EPX: variants seen among roughly 807,000 people sequenced by gnomAD.
The protein encoded by EPX is eosinophil peroxidase.
A neutral mutation model predicts 73.0 loss-of-function variants in EPX; 60 were observed. The ratio of observed to expected loss-of-function variants is 0.82; its 90% CI spans 0.67 to 1.02. EPX has a LOEUF of 1.02. EPX is among the 50% of genes least tolerant of loss of function. The pLI is 0.00. For synonymous variants in EPX, 347 were observed against 389.2 expected (o/e 0.89, Z 1.28); for missense variants, 950 against 973.9 (o/e 0.98, Z 0.33).
chr17:58,195,573 A>G (rs903222229), intron 6 of EPX, among the ~76,000 whole-genome samples: 1 of 152,166 alleles, frequency 6.6e-6, no homozygotes, highest in African/African-American at 2.4e-5. Flanking sequence ...GGCTGTAAGT[A>G]GGGTCCTAAC....
At position 58,193,094 on chromosome 17, in the gene EPX, T is replaced by C; in HGVS notation, c.133T>C (p.Leu45=). 2 of 1,613,454 alleles carry C rather than the reference T, an allele frequency of 1.2e-6. No individual in the cohort carries two copies. Among genetic ancestry groups the C allele is most frequent in the Non-Finnish European group, 1.7e-6 (2 of 1,179,344 alleles). ...VLRDCIAEAK[L]LVDAAYNWTQ... Reference sequence around the variant, plus strand: ...GCGAGACTGCATAGCAGAGGCCAAGTTGCTGGTGGATGCTGCCTACAATTG... The same window carrying C: ...GCGAGACTGCATAGCAGAGGCCAAGCTGCTGGTGGATGCTGCCTACAATTG... The change falls in exon 2 of 13, where the codon TTG becomes CTG. Residue 45 remains leucine, a synonymous_variant. Transcript: ENST00000225371.
rs747092340 is a variant in EPX at position 58,195,112 on chromosome 17, C to G, written c.743C>G (p.Thr248Ser). 2 of 1,614,188 alleles carry G rather than the reference C, an allele frequency of 1.2e-6. No homozygotes were observed. Among genetic ancestry groups the G allele is most frequent in the Non-Finnish European group, 1.7e-6 (2 of 1,179,996 alleles). Reference protein sequence around the residue: ...SPESPARVAFTAGVDCERTCA... With the variant: ...SPESPARVAFSAGVDCERTCA... ...GAGTCCCCGGCCAGAGTGGCCTTCA[C>G]TGCAGGCGTTGACTGTGAGAGGACC... Residue 248 changes from threonine (T) to serine (S), a missense_variant, in exon 6 of 13, where the codon ACT becomes AGT. Physicochemically the swap from Thr to Ser is moderately conservative, Grantham distance 58. Coordinates refer to ENST00000225371, the MANE Select transcript of EPX (RefSeq NM_000502.6).
intron 6 of EPX, 128 bp downstream of exon 6, chr17:58,195,298 CAG>C: frequency 3.8e-6 from 3 of 789,190 alleles, no homozygotes; most frequent in Non-Finnish European, 6.6e-6. Flanking sequence ...GGGTATGAGA[CAG>C]AGACACAAGA....
At chr17:58,204,194 T>TC in intron 11 of EPX, 28 bp from the exon 12 acceptor site, 1 of 1,564,636 alleles carries the variant, frequency 6.4e-7, no homozygotes. Flanking sequence ...TCCCCAGCCT[T>TC]CACCCACATC....
At chr17:58,200,444 C>T (rs755986761) in intron 10 of EPX, 49 bp downstream of exon 10, 1 of 1,584,596 alleles carries the variant, frequency 6.3e-7, no homozygotes, top group Admixed American at 1.7e-5. Flanking sequence ...GGCCAGGCTG[C>T]TCAAGGGGTT....
Position 58,199,159 on chromosome 17 carries a change from C to A in EPX, c.1240C>A (p.Leu414Met), listed in dbSNP as rs1385109299. 6.2e-7 allele frequency: 1 copy of A among 1,614,130 alleles called. No homozygotes were observed. The highest frequency in any genetic ancestry group is 8.5e-7 in the Non-Finnish European group (1 of 1,180,012). Residue 414 changes from leucine (L) to methionine (M), a missense_variant, in exon 8 of 13, where the codon CTG becomes ATG. Leu to Met is a conservative substitution (Grantham distance 15). Transcript: ENST00000225371. Reference protein sequence around the residue: ...RLNPRWNGDKLYNEARKIMGA... With the variant: ...RLNPRWNGDKMYNEARKIMGA... Reference sequence around the variant, plus strand: ...GAATCCCCGGTGGAATGGAGACAAACTGTACAATGAGGCTCGGAAGATCAT... The same window carrying A: ...GAATCCCCGGTGGAATGGAGACAAAATGTACAATGAGGCTCGGAAGATCAT...
In EPX at chr17:58,193,959, G is replaced by A. The variant is rs1283815647; in HGVS notation, c.465-4G>A. ...CTGCTAACCTATCCCACCCATGGCT[G>A]CAGGAGGAGACCCTTGCTAGGGGCC... On this transcript the variant is annotated splice_polypyrimidine_tract_variant and splice_region_variant and intron_variant, in intron 4 of 12. Coordinates refer to ENST00000225371, the MANE Select transcript of EPX (RefSeq NM_000502.6). The A allele has an allele frequency of 1.9e-6, 3 of 1,612,838 alleles. No individual in the cohort carries two copies. Among genetic ancestry groups the A allele is most frequent in the Non-Finnish European group, 2.5e-6 (3 of 1,180,004 alleles).
In EPX at chr17:58,203,245, C is replaced by A; in HGVS notation, c.1873C>A (p.Pro625Thr). 6.2e-7 allele frequency: 1 copy of A among 1,614,146 alleles called. No individual in the cohort carries two copies. Among genetic ancestry groups the A allele is most frequent in the Non-Finnish European group, 8.5e-7 (1 of 1,180,006 alleles). ...TGGGGCCATCGCTGAGCCTCTTTTG[C>A]CGGGGGCTCGAGTGGGGCCTCTTCT... is the stretch of plus-strand genomic sequence containing the variant. ...WIGAIAEPLL[P>T]GARVGPLLAC... The change falls in exon 11 of 13, where the codon CCG becomes ACG. Residue 625 changes from proline to threonine, a missense_variant. Coordinates refer to ENST00000225371, the MANE Select transcript of EPX (RefSeq NM_000502.6).
At chr17:58,200,446 C>A in intron 10 of EPX, 51 bp downstream of exon 10, 3 of 1,582,196 alleles carry the variant, frequency 1.9e-6, no homozygotes, top group South Asian at 2.2e-5. Context: ...CCAGGCTGCT[C>A]AAGGGGTTCT....
chr17:58,197,039 A>G lies in EPX; in HGVS notation c.902A>G (p.Gln301Arg). The stretch of plus-strand genomic sequence containing the variant: ...CAAAACAAGAACAGAGTCCGCAACC[A>G]GATCAACGCGCTCACCTCCTTTGTG... ...CPQNKNRVRN[Q>R]INALTSFVDA... The change falls in exon 7 of 13, where the codon CAG (glutamine) becomes CGG (arginine). Residue 301 changes from glutamine to arginine, a missense_variant. Transcript: ENST00000225371. 4 of 1,614,196 alleles carry G rather than the reference A, an allele frequency of 2.5e-6. No homozygotes were observed. In the South Asian group the frequency reaches 3.3e-5, roughly 13 times the overall value.
At position 58,196,946 on chromosome 17, in the gene EPX, C is replaced by A; in HGVS notation, c.809C>A (p.Pro270His). The A allele has an allele frequency of 6.2e-7, 1 of 1,613,480 alleles. No individual in the cohort carries two copies. The highest frequency in any genetic ancestry group is 1.1e-5 in the South Asian group (1 of 91,074). ...LPPCFPIKIP[P>H]NDPRIKNQRD... ...TCTCCTCTTCCATCTCAGATCCCAC[C>A]CAATGACCCCCGCATCAAGAACCAG... The change falls in exon 7 of 13, where the codon CCC becomes CAC. Residue 270 changes from proline to histidine, a missense_variant. By Grantham distance (77) the Pro-to-His change is moderately conservative. Coordinates refer to ENST00000225371, the MANE Select transcript of EPX (RefSeq NM_000502.6).
At chr17:58,202,504 C>T (rs1225100352) in intron 10 of EPX, 1 of 163,598 alleles carries the variant, frequency 6.1e-6, no homozygotes, top group Admixed American at 5.6e-5. Context: ...TTTTCACTCC[C>T]CAAAGAAACC....
In EPX at chr17:58,199,157, A is replaced by T. The variant is rs1968303232; in HGVS notation, c.1238A>T (p.Lys413Ile). 2 of 1,614,020 alleles carry T rather than the reference A, an allele frequency of 1.2e-6. No individual in the cohort carries two copies. Among genetic ancestry groups the T allele is most frequent in the Non-Finnish European group, 1.7e-6 (2 of 1,180,028 alleles). The change falls in exon 8 of 13, where the codon AAA (lysine) becomes ATA (isoleucine). Residue 413 changes from lysine to isoleucine, a missense_variant. Coordinates refer to ENST00000225371, the MANE Select transcript of EPX (RefSeq NM_000502.6). ...CTGAATCCCCGGTGGAATGGAGACA[A>T]ACTGTACAATGAGGCTCGGAAGATC... ...RRLNPRWNGD[K>I]LYNEARKIMG...
At position 58,199,077 on chromosome 17, in the gene EPX, C is replaced by A; in HGVS notation, c.1158C>A (p.Ala386=). ...TRSTETPKLA[A]MHTLFMREHN... ...CAACGGAAACCCCCAAACTGGCAGCCATGCACACCCTCTTTATGCGAGAGC... is the reference window on the plus strand; with the variant it reads ...CAACGGAAACCCCCAAACTGGCAGCAATGCACACCCTCTTTATGCGAGAGC... The change falls in exon 8 of 13, where the codon GCC becomes GCA. Residue 386 remains alanine (A), a synonymous_variant. Transcript: ENST00000225371. 1 of 1,614,094 alleles carries A rather than the reference C, an allele frequency of 6.2e-7. No individual in the cohort carries two copies. The highest frequency in any genetic ancestry group is 8.5e-7 in the Non-Finnish European group (1 of 1,180,002).
At position 58,204,251 on chromosome 17, in the gene EPX, C is replaced by G. The variant is rs1218589906; in HGVS notation, c.1976C>G (p.Thr659Ser). ...RFWWQKRGVF[T>S]KRQRKALSRI... ...TGGTGGCAGAAACGAGGTGTTTTCA[C>G]CAAAAGACAGCGCAAGGCCCTGAGC... The change falls in exon 12 of 13, where the codon ACC becomes AGC. Residue 659 changes from threonine (T) to serine (S), a missense_variant. By Grantham distance (58) the Thr-to-Ser change is moderately conservative. Transcript: ENST00000225371. 4 of 1,614,036 alleles carry G rather than the reference C, an allele frequency of 2.5e-6. No homozygotes were observed. Among genetic ancestry groups the G allele is most frequent in the Non-Finnish European group, 3.4e-6 (4 of 1,180,010 alleles).
chr17:58,194,074 T>C lies in EPX; in HGVS notation c.576T>C (p.Asn192=). Residue 192 remains asparagine, a synonymous_variant, in exon 5 of 13, where the codon AAT becomes AAC. Coordinates refer to ENST00000225371, the MANE Select transcript of EPX (RefSeq NM_000502.6). The part of the protein sequence containing the change: ...PFGWTPSRRR[N]GFLLPLVRAV... Reference sequence around the variant, plus strand: ...GCTGGACCCCCAGCAGGAGGCGCAATGGCTTCCTTCTCCCTCTTGTGAGTT... The same window carrying C: ...GCTGGACCCCCAGCAGGAGGCGCAACGGCTTCCTTCTCCCTCTTGTGAGTT... The C allele has an allele frequency of 6.2e-7, 1 of 1,613,470 alleles. No individual in the cohort carries two copies. Among genetic ancestry groups the C allele is most frequent in the African/African-American group, 1.3e-5 (1 of 75,036 alleles).
Position 58,192,753 on chromosome 17 carries a change from C to T in EPX, c.-94C>T. 9.2e-7 allele frequency: 1 copy of T among 1,083,230 alleles called. No individual in the cohort carries two copies. Among genetic ancestry groups the T allele is most frequent in the South Asian group, 1.3e-5 (1 of 75,372 alleles). The allele number at this position is 1,083,230 out of a possible 1,614,324, so 67.1% of individuals were successfully genotyped here. A position where few individuals can be genotyped will look rare whatever the true frequency, so the allele number is the denominator to read the frequency against. On this transcript the variant is annotated 5_prime_UTR_variant, in exon 1 of 13. Transcript: ENST00000225371. ...AGAGCTGGAGGAAGTGAGAGGTCGG[C>T]TGGGGGTCCTCAAAGTGAGAGGGGA...
At position 58,192,915 on chromosome 17, in the gene EPX, T is replaced by C. The variant is rs147137450; in HGVS notation, c.69T>C (p.Thr23=). ...TCCTCGCCCAGCCCTGTGAGGGCAC[T>C]GACCCAGGTAATAGTCCCCTAGACA... The part of the protein sequence containing the change: ...TLVLAQPCEG[T]DPASPGAVET... The change falls in exon 1 of 13, where the codon ACT becomes ACC. Residue 23 remains threonine, a synonymous_variant. Transcript: ENST00000225371. The C allele has an allele frequency of 6.2e-6, 10 of 1,613,932 alleles. No homozygotes were observed. In the African/African-American group the frequency reaches 6.7e-5, roughly 11 times the overall value.
chr17:58,204,285 C>T lies in EPX; in HGVS notation c.2010C>T (p.Ser670=). 6.2e-7 allele frequency: 1 copy of T among 1,614,092 alleles called. No individual in the cohort carries two copies. Among genetic ancestry groups the T allele is most frequent in the Non-Finnish European group, 8.5e-7 (1 of 1,179,940 alleles). The change falls in exon 12 of 13, where the codon TCC becomes TCT. Residue 670 remains serine, a synonymous_variant. Coordinates refer to ENST00000225371, the MANE Select transcript of EPX (RefSeq NM_000502.6). ...KRQRKALSRI[S]LSRIICDNTG... ...AGCGCAAGGCCCTGAGCAGAATTTC[C>T]TTGTCTCGAATTATATGTGACAATA... is the stretch of plus-strand genomic sequence containing the variant.
Sources: gnomAD v4.1 joint callset for allele counts (sites outside exome capture counted in the v4.1 genomes callset) on GRCh38, gnomAD v4.1.1 for gene constraint, MANE v1.5 for transcripts, NCBI Gene and HGNC (gene_info 2026-07-23, HGNC 2026-07-21) for gene names.